The following RAPGEF5 variants were observed in gnomAD, a reference collection of about 807,000 sequenced individuals.
RAPGEF5 encodes the protein Rap guanine nucleotide exchange factor 5.
Under a neutral mutation model 125.2 loss-of-function variants are expected in RAPGEF5, and 65 were observed. The observed-to-expected ratio is 0.52, with a 90% confidence interval of 0.43 to 0.64. RAPGEF5 has a LOEUF of 0.64. RAPGEF5 is among the 30% of genes least tolerant of loss of function. The pLI is 0.00. For synonymous variants in RAPGEF5, 391 were observed against 385.9 expected, an observed-to-expected ratio of 1.01 and a Z score of -0.16; for missense variants, 958 against 1,048.1, an observed-to-expected ratio of 0.91 and a Z score of 1.19.
In RAPGEF5 at chr7:22,156,897, T is replaced by C; in HGVS notation, c.1558-9A>G. On this transcript the variant is annotated splice_polypyrimidine_tract_variant and intron_variant, in intron 15 of 25. Transcript: ENST00000665637. The stretch of plus-strand genomic sequence containing the variant: ...TGGAAAAGGGCTTTATTCTGTGAGA[T>C]GGGAGAAAGAGAACAATGAATGAAT... 8.7e-6 allele frequency: 14 copies of C among 1,613,882 alleles called. No individual in the cohort carries two copies. The highest frequency in any genetic ancestry group is 1.1e-5 in the Non-Finnish European group (13 of 1,179,812).
At position 22,154,565 on chromosome 7, in the gene RAPGEF5, C is replaced by G; in HGVS notation, c.1676G>C (p.Ser559Thr). ...TATACTGGAAACTTTTGCCTTCACA[C>G]TGACATAGGAGTGCTCTGTTATATA... The part of the protein sequence containing the change: ...HVYITEHSYV[S>T]VKAKVSSIAQ... Residue 559 changes from serine to threonine, a missense_variant, in exon 17 of 26, where the codon AGT becomes ACT. Transcript: ENST00000665637. 1 of 1,613,866 alleles carries G rather than the reference C, an allele frequency of 6.2e-7. No individual in the cohort carries two copies. Among genetic ancestry groups the G allele is most frequent in the Non-Finnish European group, 8.5e-7 (1 of 1,179,792 alleles).
At chr7:22,308,632 A>G (rs1361098311) in intron 4 of RAPGEF5, 125 bp from the exon 5 acceptor site, 1 of 744,234 alleles carries the variant, frequency 1.3e-6, no homozygotes, top group Admixed American at 3.6e-5. Context: ...ATAATTATAC[A>G]TTCTAAGCTC....
chr7:22,187,383 G>A (rs1267657269), intron 11 of RAPGEF5, among the ~76,000 whole-genome samples: 1 of 152,064 alleles, frequency 6.6e-6, no homozygotes, highest in Non-Finnish European at 1.5e-5. Flanking sequence ...CGGTACTCAA[G>A]ACTTTAGAAT....
At chr7:22,137,284 T>C (rs566023742) in intron 21 of RAPGEF5, among the ~76,000 whole-genome samples, 1 of 152,366 alleles carries the variant, frequency 6.6e-6, no homozygotes, top group South Asian at 2.1e-4. Flanking sequence ...TTCAGTTCCA[T>C]ACCCTACCTT....
chr7:22,129,666 T>G (rs1782854182), intron 24 of RAPGEF5, among the ~76,000 whole-genome samples: 1 of 152,060 alleles, frequency 6.6e-6, no homozygotes, highest in Non-Finnish European at 1.5e-5. Context: ...GGTTTGACTG[T>G]AGCATCTAAA....
At chr7:22,246,530 A>G (rs1365314875) in intron 7 of RAPGEF5, among the ~76,000 whole-genome samples, 2 of 152,168 alleles carry the variant, frequency 1.3e-5, no homozygotes, top group African/African-American at 4.8e-5. Flanking sequence ...GCCAATATAC[A>G]AAAGAATGAA....
intron 5 of RAPGEF5, among the ~76,000 whole-genome samples, chr7:22,295,513 G>A (rs552245707): frequency 2.0e-5 from 3 of 152,066 alleles, no homozygotes; most frequent in Non-Finnish European, 4.4e-5. Flanking sequence ...TTAAACATAA[G>A]TGTACTCTGA....
intron 9 of RAPGEF5, among the ~76,000 whole-genome samples, chr7:22,215,605 T>C (rs1183437552): frequency 1.3e-5 from 2 of 152,132 alleles, no homozygotes; most frequent in Non-Finnish European, 1.5e-5. Context: ...AGTTAGCAAA[T>C]GAATGGATGA....
At chr7:22,254,936 T>C (rs1786718439) in intron 7 of RAPGEF5, among the ~76,000 whole-genome samples, 1 of 152,144 alleles carries the variant, frequency 6.6e-6, no homozygotes, top group South Asian at 2.1e-4. Context: ...CCTCCTACTG[T>C]GCAGCCCAGT....
At chr7:22,222,807 T>A (rs1035695580) in intron 8 of RAPGEF5, among the ~76,000 whole-genome samples, 13 of 152,198 alleles carry the variant, frequency 8.5e-5, no homozygotes, top group African/African-American at 2.9e-4. Flanking sequence ...GAAGACCAGT[T>A]AGGAGCCTGG....
chr7:22,119,405 CA>C lies in RAPGEF5; in HGVS notation c.*3000del, dbSNP rs1445433949. 6.6e-6 allele frequency: 1 copy of C among 152,158 alleles called. No homozygotes were observed. The highest frequency in any genetic ancestry group is 1.5e-5 in the Non-Finnish European group (1 of 68,034). 9.4% of individuals were successfully genotyped at this position (152,158 alleles called of 1,614,324 possible). A position where few individuals can be genotyped will look rare whatever the true frequency, so the allele number is the denominator to read the frequency against. On this transcript the variant is annotated 3_prime_UTR_variant, in exon 26 of 26. Coordinates refer to ENST00000665637, the MANE Select transcript of RAPGEF5 (RefSeq NM_012294.5). The surrounding 1 kb of genome is among the most constrained non-coding windows in gnomAD (Gnocchi z 4.1). Reference sequence around the variant, plus strand: ...TAAGGAAACTAGAAAAAAGTGAATGCAGGTCATGTGTATCACTATAATCATT... The same window carrying C: ...TAAGGAAACTAGAAAAAAGTGAATGCGGTCATGTGTATCACTATAATCATT...
chr7:22,261,287 G>A (rs968474046), intron 7 of RAPGEF5, among the ~76,000 whole-genome samples: 7 of 151,878 alleles, frequency 4.6e-5, no homozygotes, highest in African/African-American at 1.7e-4. Context: ...TAAACTGCTA[G>A]TATATACAAT....
At position 22,145,133 on chromosome 7, in the gene RAPGEF5, G is replaced by A. The variant is rs1001130586; in HGVS notation, c.2097C>T (p.Val699=). 4.3e-6 allele frequency: 7 copies of A among 1,613,838 alleles called. No homozygotes were observed. The highest frequency in any genetic ancestry group is 1.7e-5 in the Admixed American group (1 of 60,000). The part of the protein sequence containing the change: ...LSLLLQRCNE[V]QLWVATEILL... ...GAATCTCCGTGGCCACCCAAAGCTG[G>A]ACCTCATTGCATCTCTGGAGCAGAA... The change falls in exon 20 of 26, where the codon GTC becomes GTT. Residue 699 remains valine (V), a synonymous_variant. Transcript: ENST00000665637.
intron 11 of RAPGEF5, among the ~76,000 whole-genome samples, chr7:22,181,127 C>T (rs1784660020): frequency 6.6e-6 from 1 of 152,150 alleles, no homozygotes; most frequent in South Asian, 2.1e-4. Flanking sequence ...GAAAAGATCA[C>T]TCTGCTCTCT....
At chr7:22,144,906 T>C (rs548481149) in intron 20 of RAPGEF5, 138 bp downstream of exon 20, 2 of 981,288 alleles carry the variant, frequency 2.0e-6, no homozygotes, top group East Asian at 2.7e-5. Context: ...AAATTGGACA[T>C]TTTCAGCCAT....
intron 7 of RAPGEF5, among the ~76,000 whole-genome samples, chr7:22,253,788 T>C (rs540001472): frequency 6.6e-6 from 1 of 152,330 alleles, no homozygotes; most frequent in South Asian, 2.1e-4. Context: ...CTAATTTTAT[T>C]ACTAACATCC....
intron 1 of RAPGEF5, among the ~76,000 whole-genome samples, chr7:22,321,540 G>A (rs1783714919): frequency 6.6e-6 from 1 of 152,182 alleles, no homozygotes; most frequent in Non-Finnish European, 1.5e-5. Context: ...CTACTAAGGG[G>A]TGAGAGAAAT....
chr7:22,316,479 ATATATATATAT>A (rs1256678399), intron 2 of RAPGEF5, among the ~76,000 whole-genome samples: 4,162 of 92,362 alleles, frequency 0.045, 51 homozygotes, highest in Middle Eastern at 0.06. Flanking sequence ...ATATATATAT[ATATATATATAT>A]TTTTTTTTTT....
At chr7:22,247,733 T>C (rs570472271) in intron 7 of RAPGEF5, among the ~76,000 whole-genome samples, 2 of 147,418 alleles carry the variant, frequency 1.4e-5, no homozygotes, top group South Asian at 4.3e-4. Flanking sequence ...TAGAGACCCA[T>C]TAATGGTGGA....
Sources: gnomAD v4.1 joint callset for allele counts (sites outside exome capture counted in the v4.1 genomes callset) on GRCh38, gnomAD v4.1.1 for gene constraint, Gnocchi (gnomAD v3.1) non-coding constraint, MANE v1.5 for transcripts, NCBI Gene and HGNC (gene_info 2026-07-23, HGNC 2026-07-21) for gene names.